Variants in EML2 observed in about 807,000 individuals in gnomAD.
EML2 encodes the protein echinoderm microtubule-associated protein-like 2.
In EML2, 59 loss-of-function variants were observed where a neutral mutation model predicts 84.7. The ratio of observed to expected loss-of-function variants is 0.70; its 90% confidence interval spans 0.56 to 0.86. The LOEUF (loss-of-function observed/expected upper bound fraction) is 0.86, where lower values mean the gene tolerates loss of function less well. Among genes scored for constraint, EML2 ranks in the 40% least tolerant of loss-of-function variants. The probability of loss-of-function intolerance (pLI) is 0.00; values close to 1 mark genes in which losing one functional copy is unlikely to be tolerated. For missense variants in EML2, 818 were observed against 855.6 expected (o/e 0.96, Z 0.55); for synonymous variants, 352 against 348.9 (o/e 1.01, Z -0.10).
rs555319672 is a variant in EML2, at chr19:45,609,722, T to C, written c.1891A>G (p.Ser631Gly). 5.9e-5 allele frequency: 95 copies of C among 1,613,796 alleles called. No homozygotes were observed. The South Asian group carries it at 9.1e-4, about 15-fold the overall frequency. Reference protein sequence around the residue: ...VTNVAFLWDDSMALTTGGKDT... With the variant: ...VTNVAFLWDDGMALTTGGKDT... Reference sequence around the variant, plus strand: ...TTGCCCCCTGTGGTCAGGGCCATGCTGTCATCCCACAAGAAGGCCACATTT... The same window carrying C: ...TTGCCCCCTGTGGTCAGGGCCATGCCGTCATCCCACAAGAAGGCCACATTT... The change falls in exon 19 of 19, where the codon AGC becomes GGC. Residue 631 changes from serine to glycine, a missense_variant. Physicochemically the swap from Ser to Gly is moderately conservative, Grantham distance 56. Transcript: ENST00000245925.
At chr19:45,645,529 G>A (rs1448374449), upstream of EML2, 6 of 1,232,536 alleles carry the variant, frequency 4.9e-6, no homozygotes, top group African/African-American at 3.2e-5. Flanking sequence ...AAGGGGGGTC[G>A]GGACACCGCC....
At chr19:45,637,720 A>G (rs953688427) in intron 3 of EML2, among the ~76,000 whole-genome samples, 7 of 123,626 alleles carry the variant, frequency 5.7e-5, no homozygotes, top group Admixed American at 2.1e-4. Flanking sequence ...CTTGTGGCCC[A>G]GGCCGGAAAG....
chr19:45,616,774 A>C lies in EML2; in HGVS notation c.1402T>G (p.Phe468Val). The change falls in exon 14 of 19, where the codon TTC becomes GTC. Residue 468 changes from phenylalanine to valine, a missense_variant. Transcript: ENST00000245925. ...DGNEQISVVS[F>V]SPDGAYLAVG... ...CAGGCCTGCCGCTTACCTGGGGAGAAGCTGACCACTGAGATCTGTTCATTG... is the reference window on the plus strand; with the variant it reads ...CAGGCCTGCCGCTTACCTGGGGAGACGCTGACCACTGAGATCTGTTCATTG... 1 of 1,612,954 alleles carries C rather than the reference A, an allele frequency of 6.2e-7. No individual in the cohort carries two copies. Among genetic ancestry groups the C allele is most frequent in the Non-Finnish European group, 8.5e-7 (1 of 1,179,764 alleles).
Position 45,632,853 on chromosome 19 carries a change from G to A in EML2, c.510+8C>T, listed in dbSNP as rs1230416557. The A allele has an allele frequency of 1.2e-6, 2 of 1,612,504 alleles. No individual in the cohort carries two copies. The highest frequency in any genetic ancestry group is 4.5e-5 in the East Asian group (2 of 44,834). ...AAGGGGCGGGGTTAGGGTGGGCGAA[G>A]GACTTACAGATTTGGAGAAGCCCAC... On this transcript the variant is annotated splice_region_variant and intron_variant, in intron 6 of 18. Coordinates refer to ENST00000245925, the MANE Select transcript of EML2 (RefSeq NM_012155.4).
chr19:45,615,944 G>C (rs1475029247), intron 15 of EML2, 55 bp from the exon 16 acceptor site: 1 of 1,336,536 alleles, frequency 7.5e-7, no homozygotes, highest in Non-Finnish European at 1.1e-6. Context: ...ACCAAGGAGA[G>C]GGGGACAGGA....
chr19:45,644,620 C>A, upstream of EML2: 1 of 452,670 alleles, frequency 2.2e-6, no homozygotes, highest in Non-Finnish European at 4.5e-6. Context: ...CCCTCCTGAC[C>A]ATCCCCCCAT....
At chr19:45,617,762 T>C (rs12985660) in intron 12 of EML2, 65 bp from the exon 13 acceptor site, 762,557 of 1,476,102 alleles carry the variant, frequency 0.52, 206,202 homozygotes, top group African/African-American at 0.87. Context: ...GGACATTCTC[T>C]TGCCTCAGGG....
In EML2 at chr19:45,626,686, C is replaced by T. The variant is rs1230512041; in HGVS notation, c.741+19G>A. 6.2e-7 allele frequency: 1 copy of T among 1,602,562 alleles called. No homozygotes were observed. The highest frequency in any genetic ancestry group is 2.2e-5 in the East Asian group (1 of 44,500). On this transcript the variant is annotated intron_variant, in intron 8 of 18. Transcript: ENST00000245925. ...ACCTCTCTCAGGGCCAGCCTGTCCCCCAAACCCCTGGCACTCACCTCAAAG... is the reference window on the plus strand; with the variant it reads ...ACCTCTCTCAGGGCCAGCCTGTCCCTCAAACCCCTGGCACTCACCTCAAAG...
chr19:45,634,215 C>A (rs1201390763), intron 4 of EML2, 107 bp downstream of exon 4: 1 of 1,487,416 alleles, frequency 6.7e-7, no homozygotes, highest in African/African-American at 1.4e-5. Context: ...CTTAGCCTTG[C>A]CCCAAACCCC....
At chr19:45,626,909 A>G in intron 7 of EML2, 70 bp from the exon 8 acceptor site, 2 of 1,480,282 alleles carry the variant, frequency 1.4e-6, no homozygotes, top group African/African-American at 2.8e-5. Context: ...CGCCCCTCAC[A>G]GGACTGCCCT....
At chr19:45,644,679 CA>C, upstream of EML2, 1 of 455,992 alleles carries the variant, frequency 2.2e-6, no homozygotes, top group South Asian at 1.5e-5. Context: ...TTTTCCCTCC[CA>C]ACTCCCCTCT....
At chr19:45,632,820 T>C (rs996944652) in intron 6 of EML2, 41 bp downstream of exon 6, 3 of 1,560,608 alleles carry the variant, frequency 1.9e-6, no homozygotes, top group Admixed American at 3.6e-5. Flanking sequence ...GCCCTCCTTT[T>C]CGGGGCGAAG....
chr19:45,645,225 G>T (rs1226519942), upstream of EML2: 1 of 1,515,022 alleles, frequency 6.6e-7, no homozygotes, highest in Non-Finnish European at 8.8e-7. Context: ...AGAAGAGATG[G>T]GTCCAGCCTT....
chr19:45,637,789 GT>G (rs1472175987), intron 3 of EML2, among the ~76,000 whole-genome samples: 1 of 144,378 alleles, frequency 6.9e-6, no homozygotes, highest in Non-Finnish European at 1.5e-5. Flanking sequence ...CGATTCTCCT[GT>G]CTCAGTCTCC....
chr19:45,643,581 A>G, upstream of EML2: 1 of 1,535,870 alleles, frequency 6.5e-7, no homozygotes, highest in Non-Finnish European at 8.7e-7. Context: ...ACTCATACCC[A>G]GACTCATTGC....
At chr19:45,611,777 C>T (rs911324778) in intron 18 of EML2, among the ~76,000 whole-genome samples, 3 of 152,148 alleles carry the variant, frequency 2.0e-5, no homozygotes, top group Admixed American at 6.5e-5. Flanking sequence ...CGTGAGCCAC[C>T]GGGCCTGGCC....
chr19:45,642,060 G>A, upstream of EML2: 3 of 1,443,814 alleles, frequency 2.1e-6, no homozygotes, highest in Non-Finnish European at 2.7e-6. Context: ...ATGGGGTTAG[G>A]GGACAGAAGA....
At chr19:45,626,621 C>T in intron 8 of EML2, 84 bp downstream of exon 8, 1 of 1,484,250 alleles carries the variant, frequency 6.7e-7, no homozygotes, top group Non-Finnish European at 9.1e-7. Context: ...CCCCTGCCAC[C>T]CTCTGGGGGA....
intron 1 of EML2, 79 bp downstream of exon 1, chr19:45,639,278 C>G: frequency 7.6e-7 from 1 of 1,309,128 alleles, no homozygotes. Context: ...GTCTGGGTCC[C>G]AGGGGTTGGG....
Sources: gnomAD v4.1 joint callset for allele counts (sites outside exome capture counted in the v4.1 genomes callset) on GRCh38, gnomAD v4.1.1 for gene constraint, MANE v1.5 for transcripts, NCBI Gene and HGNC (gene_info 2026-07-23, HGNC 2026-07-21) for gene names.